The following SCN9A variants were observed in gnomAD, a reference collection of about 807,000 sequenced individuals.
The protein encoded by SCN9A is sodium channel protein type 9 subunit alpha.
In SCN9A, 131 loss-of-function variants were observed where a neutral mutation model predicts 187.0. That is an observed-to-expected ratio of 0.70 (90% CI 0.61 to 0.81). The LOEUF (loss-of-function observed/expected upper bound fraction) is 0.81. Among genes scored for constraint, SCN9A ranks in the 30% least tolerant of loss-of-function variants. The pLI, the probability that SCN9A is intolerant of heterozygous loss-of-function variation, is 0.00. For missense variants in SCN9A, 2,252 were observed against 2,396.6 expected, an observed-to-expected ratio of 0.94 and a Z score of 1.26; for synonymous variants, 809 against 808.6, an observed-to-expected ratio of 1.00 and a Z score of -0.01.
chr2:166,306,061 A>T, intron 4 of SCN9A, 141 bp from the exon 5 acceptor site: 6 of 850,176 alleles, frequency 7.1e-6, no homozygotes, highest in Non-Finnish European at 9.1e-6. Flanking sequence ...CACCCTATTA[A>T]ACTACAATAG....
At chr2:166,211,157 T>C (rs1362956018) in intron 24 of SCN9A, among the ~76,000 whole-genome samples, 1 of 151,982 alleles carries the variant, frequency 6.6e-6, no homozygotes, top group East Asian at 1.9e-4. Context: ...AAAAACTGAA[T>C]TGTCATGTCC....
Position 166,198,806 on chromosome 2 carries a change from T to C in SCN9A, c.5833A>G (p.Lys1945Glu), listed in dbSNP as rs1553472747. Reference sequence around the variant, plus strand: ...GTGGTGGATGAAGTGGCATCTGTTTTTTCTGGACTTGAGTTCTCATTAACA... The same window carrying C: ...GTGGTGGATGAAGTGGCATCTGTTTCTTCTGGACTTGAGTTCTCATTAACA... ...DNVNENSSPE[K>E]TDATSSTTSP... Residue 1945 changes from lysine to glutamate, a missense_variant, in exon 27 of 27, where the codon AAA (lysine) becomes GAA (glutamate). Lys to Glu is a moderately conservative substitution (Grantham distance 56). Transcript: ENST00000642356. 6.2e-7 allele frequency: 1 copy of C among 1,613,172 alleles called. No individual in the cohort carries two copies. The highest frequency in any genetic ancestry group is 1.3e-5 in the African/African-American group (1 of 74,942).
At chr2:166,290,267 A>G (rs769444650) in intron 9 of SCN9A, among the ~76,000 whole-genome samples, 6 of 152,128 alleles carry the variant, frequency 3.9e-5, no homozygotes, top group Non-Finnish European at 4.4e-5. Flanking sequence ...TAATGGCTGC[A>G]TAGTATTCCA....
At chr2:166,294,434 G>A in intron 8 of SCN9A, 165 bp downstream of exon 8, 1 of 525,698 alleles carries the variant, frequency 1.9e-6, no homozygotes, top group Admixed American at 3.4e-5. Context: ...TGCATTAACT[G>A]TGAACATTTT....
intron 1 of SCN9A, among the ~76,000 whole-genome samples, chr2:166,364,656 G>C (rs115322950): frequency 2.8e-4 from 42 of 152,204 alleles, no homozygotes; most frequent in Non-Finnish European, 5.7e-4. Context: ...GTAGAATAGT[G>C]GTTACTGGGT....
At chr2:166,372,281 T>G (rs1232681602) in intron 1 of SCN9A, among the ~76,000 whole-genome samples, 4 of 152,220 alleles carry the variant, frequency 2.6e-5, no homozygotes, top group Non-Finnish European at 5.9e-5. Context: ...ATGTGCCCTT[T>G]GTACCTGGGG....
intron 1 of SCN9A, among the ~76,000 whole-genome samples, chr2:166,334,317 G>C (rs1039494846): frequency 6.6e-6 from 1 of 151,984 alleles, no homozygotes; most frequent in Admixed American, 6.6e-5. Context: ...TTTCTTTACT[G>C]GCAATTACTT....
intron 24 of SCN9A, among the ~76,000 whole-genome samples, chr2:166,209,892 C>A (rs1044102626): frequency 6.6e-5 from 10 of 152,214 alleles, no homozygotes; most frequent in South Asian, 6.2e-4. Flanking sequence ...TGTGGAAGTC[C>A]GTGTGGCGAT....
chr2:166,248,872 G>T (rs777320830), intron 18 of SCN9A, among the ~76,000 whole-genome samples: 1 of 151,818 alleles, frequency 6.6e-6, no homozygotes, highest in South Asian at 2.1e-4. Context: ...GTTTCGCTAC[G>T]TTGGCCAGGC....
intron 24 of SCN9A, among the ~76,000 whole-genome samples, chr2:166,219,672 C>T (rs767156719): frequency 6.6e-6 from 1 of 152,076 alleles, no homozygotes; most frequent in African/African-American, 2.4e-5. Flanking sequence ...ACCCCTATGA[C>T]ATGTTTACCT....
At chr2:166,337,707 A>T (rs1444486374) in intron 1 of SCN9A, among the ~76,000 whole-genome samples, 1 of 152,124 alleles carries the variant, frequency 6.6e-6, no homozygotes, top group Non-Finnish European at 1.5e-5. Context: ...AAGGCTGAAA[A>T]GTGCAAGCCA....
At chr2:166,308,582 C>A (rs1698834120) in intron 2 of SCN9A, among the ~76,000 whole-genome samples, 1 of 152,140 alleles carries the variant, frequency 6.6e-6, no homozygotes, top group Non-Finnish European at 1.5e-5. Flanking sequence ...AATCTCTTTT[C>A]TTTATAAATT....
Position 166,302,929 on chromosome 2 carries a change from T to G in SCN9A, c.901+161A>C, listed in dbSNP as rs938007943. 6.7e-6 allele frequency: 4 copies of G among 599,414 alleles called. No homozygotes were observed. The Admixed American group carries it at 9.6e-5, about 14-fold the overall frequency. 37.1% of individuals were successfully genotyped at this position (599,414 alleles called of 1,614,324 possible). A position where few individuals can be genotyped will look rare whatever the true frequency, so the allele number is the denominator to read the frequency against. ...GATAGCTTAGAACCAGGATGATTTA[T>G]GAAAATCATATATAACATGACCCAA... On this transcript the variant is annotated intron_variant, in intron 7 of 26. Coordinates refer to ENST00000642356, the MANE Select transcript of SCN9A (RefSeq NM_001365536.1).
intron 24 of SCN9A, among the ~76,000 whole-genome samples, chr2:166,212,151 A>G (rs1283845827): frequency 1.3e-5 from 2 of 152,220 alleles, no homozygotes; most frequent in African/African-American, 4.8e-5. Flanking sequence ...CTACAGGGTC[A>G]TGGTTTCAGA....
At chr2:166,334,577 T>C (rs1377532286) in intron 1 of SCN9A, among the ~76,000 whole-genome samples, 1 of 152,112 alleles carries the variant, frequency 6.6e-6, no homozygotes, top group Non-Finnish European at 1.5e-5. Context: ...CGTGTTACAA[T>C]AGCCTTGTAA....
chr2:166,219,343 T>C (rs1694480582), intron 24 of SCN9A, among the ~76,000 whole-genome samples: 1 of 151,988 alleles, frequency 6.6e-6, no homozygotes, highest in Non-Finnish European at 1.5e-5. Flanking sequence ...ATAGACTGGA[T>C]AAAGATAATG....
At chr2:166,243,020 A>C (rs1695634879) in intron 18 of SCN9A, among the ~76,000 whole-genome samples, 1 of 152,034 alleles carries the variant, frequency 6.6e-6, no homozygotes, top group Non-Finnish European at 1.5e-5. Flanking sequence ...CTGACAGATA[A>C]ATTTTTCTAG....
chr2:166,322,093 G>A (rs910057219), intron 1 of SCN9A, among the ~76,000 whole-genome samples: 8 of 152,046 alleles, frequency 5.3e-5, no homozygotes, highest in African/African-American at 1.4e-4. Flanking sequence ...GATACTAAAA[G>A]AAATAGATTT....
At chr2:166,361,410 A>G (rs986690399) in intron 1 of SCN9A, among the ~76,000 whole-genome samples, 23 of 152,138 alleles carry the variant, frequency 1.5e-4, no homozygotes, top group African/African-American at 5.5e-4. Flanking sequence ...TAGCAAAACC[A>G]AGACTACATT....
Sources: allele counts gnomAD v4.1 joint callset (sites outside exome capture counted in the v4.1 genomes callset), GRCh38; gene constraint gnomAD v4.1.1; transcripts MANE v1.5; gene names NCBI Gene and HGNC (gene_info 2026-07-23, HGNC 2026-07-21).